SYN3: variants seen among roughly 807,000 people sequenced by gnomAD.
SYN3 encodes the protein synapsin III.
SYN3 carries 35 observed loss-of-function variants against 65.8 expected under a neutral mutation model. The ratio of observed to expected loss-of-function variants is 0.53; its 90% CI spans 0.41 to 0.70. The LOEUF (loss-of-function observed/expected upper bound fraction) is 0.70, where lower values mean the gene tolerates loss of function less well. SYN3 is among the 30% of genes least tolerant of loss of function. SYN3 has a pLI of 0.00. For synonymous variants in SYN3, 270 were observed against 292.9 expected, an observed-to-expected ratio of 0.92 and a Z score of 0.80; for missense variants, 680 against 749.0, an observed-to-expected ratio of 0.91 and a Z score of 1.08.
At chr22:32,618,229 G>A (rs1316173050) in intron 6 of SYN3, among the ~76,000 whole-genome samples, 1 of 152,046 alleles carries the variant, frequency 6.6e-6, no homozygotes, top group Non-Finnish European at 1.5e-5. Flanking sequence ...ATAAATGTTC[G>A]GGAGCCAAAC....
chr22:32,584,511 C>T (rs1601693594), intron 7 of SYN3, among the ~76,000 whole-genome samples: 1 of 151,974 alleles, frequency 6.6e-6, no homozygotes, highest in Admixed American at 6.6e-5. Flanking sequence ...ACAGACATGA[C>T]CAGGAAAACA....
chr22:32,859,549 C>A, intron 6 of SYN3: 1 of 821,618 alleles, frequency 1.2e-6, no homozygotes, highest in Non-Finnish European at 1.9e-6. Flanking sequence ...GGGAACTATC[C>A]TCCTGGCCCC....
chr22:32,713,704 G>C (rs146535789), intron 6 of SYN3, among the ~76,000 whole-genome samples: 1 of 151,912 alleles, frequency 6.6e-6, no homozygotes, highest in Non-Finnish European at 1.5e-5. Context: ...GGTGGTGGGC[G>C]CCTGTAGTCC....
chr22:32,869,330 TTCTCTCTCTCTCTC>T lies in SYN3; in HGVS notation c.462-219_462-206del, dbSNP rs59752570. Among the ~76,000 whole-genome samples the T allele has an allele frequency of 2.2e-3, 264 of 121,034 alleles. 1 individual carries two copies. The highest frequency in any genetic ancestry group is 3.6e-3 in the Non-Finnish European group (209 of 57,822). 79.4% of individuals were successfully genotyped at this position (121,034 alleles called of 152,430 possible). ...CAAAGGGCTGGAAACACTATATATATTCTCTCTCTCTCTCTCTCTCTCTCTCTCTCTCTCTCTCA... is the reference window on the plus strand; with the variant it reads ...CAAAGGGCTGGAAACACTATATATATTCTCTCTCTCTCTCTCTCTCTCTCA... On this transcript the variant is annotated intron_variant, in intron 4 of 13. Transcript: ENST00000358763.
intron 3 of SYN3, among the ~76,000 whole-genome samples, chr22:32,969,786 A>G (rs184680945): frequency 8.3e-4 from 126 of 152,310 alleles, no homozygotes; most frequent in Non-Finnish European, 4.0e-4. Context: ...TCACTCACGC[A>G]TTCACTCAAC....
At chr22:32,911,152 T>A (rs976211070) in intron 4 of SYN3, among the ~76,000 whole-genome samples, 9 of 152,216 alleles carry the variant, frequency 5.9e-5, no homozygotes, top group Non-Finnish European at 1.3e-4. Context: ...GGAGCTCTGG[T>A]GTCAGCAGTC....
intron 6 of SYN3, among the ~76,000 whole-genome samples, chr22:32,669,011 TA>T (rs1180074465): frequency 6.6e-6 from 1 of 152,216 alleles, no homozygotes; most frequent in Non-Finnish European, 1.5e-5. Flanking sequence ...AAGCTCTTAC[TA>T]TTATGTGCCT....
intron 6 of SYN3, among the ~76,000 whole-genome samples, chr22:32,797,428 G>A: frequency 6.6e-6 from 1 of 152,162 alleles, no homozygotes. Flanking sequence ...GGGGATACAT[G>A]GGAGGGGAAT....
At chr22:32,840,370 C>T (rs977412348) in intron 6 of SYN3, among the ~76,000 whole-genome samples, 2 of 152,042 alleles carry the variant, frequency 1.3e-5, no homozygotes, top group African/African-American at 2.4e-5. Context: ...TTGACATCAA[C>T]GAAAAGGGCC....
chr22:32,798,685 C>CCT (rs2046487160), intron 6 of SYN3, among the ~76,000 whole-genome samples: 1 of 92,500 alleles, frequency 1.1e-5, no homozygotes, highest in African/African-American at 4.6e-5. Context: ...CATCTTCATT[C>CCT]TTTTTTTTTT....
intron 4 of SYN3, among the ~76,000 whole-genome samples, chr22:32,874,021 C>A (rs915265077): frequency 9.2e-5 from 14 of 152,090 alleles, no homozygotes; most frequent in African/African-American, 3.1e-4. Flanking sequence ...GTAATCCCAG[C>A]TACTTGGAAG....
intron 6 of SYN3, among the ~76,000 whole-genome samples, chr22:32,737,561 A>C (rs5998602): frequency 0.48 from 72,018 of 151,506 alleles, 17,887 homozygotes; most frequent in African/African-American, 0.64. Context: ...TGAGAACATG[A>C]GGTGCTTGGT....
At chr22:32,525,932 C>T (rs1163065093) in intron 12 of SYN3, among the ~76,000 whole-genome samples, 4 of 152,080 alleles carry the variant, frequency 2.6e-5, no homozygotes, top group East Asian at 1.9e-4. Flanking sequence ...TTCACTGTTG[C>T]CTTATTTTTA....
At chr22:33,000,734 G>A (rs555223617) in intron 2 of SYN3, among the ~76,000 whole-genome samples, 3 of 152,310 alleles carry the variant, frequency 2.0e-5, no homozygotes, top group African/African-American at 4.8e-5. Flanking sequence ...GGGAAAGAAG[G>A]GGGCCCTGTG....
intron 6 of SYN3, among the ~76,000 whole-genome samples, chr22:32,723,674 A>G (rs780976506): frequency 6.6e-5 from 10 of 152,226 alleles, no homozygotes; most frequent in Non-Finnish European, 1.3e-4. Context: ...TCCCAGGAGG[A>G]GCCCCTCCAC....
intron 12 of SYN3, among the ~76,000 whole-genome samples, chr22:32,525,890 T>G (rs1182048387): frequency 2.0e-5 from 3 of 152,176 alleles, no homozygotes; most frequent in African/African-American, 2.4e-5. Context: ...AGAAATCTTG[T>G]GTGAAAGGGT....
chr22:32,569,440 TATCTATCTTCTC>T (rs1243785940), intron 7 of SYN3, among the ~76,000 whole-genome samples: 60 of 150,178 alleles, frequency 4.0e-4, no homozygotes, highest in African/African-American at 1.5e-3. Context: ...TCTATCTATC[TATCTATCTTCTC>T]TATCTATCTA....
chr22:32,753,793 A>T (rs2045211145), intron 6 of SYN3, among the ~76,000 whole-genome samples: 1 of 152,000 alleles, frequency 6.6e-6, no homozygotes, highest in Non-Finnish European at 1.5e-5. Context: ...ACAGAAGCCA[A>T]TGAGAGAGCC....
chr22:32,579,694 T>A (rs2058907736), intron 7 of SYN3, among the ~76,000 whole-genome samples: 1 of 152,056 alleles, frequency 6.6e-6, no homozygotes. Context: ...AGCTCAAAGG[T>A]GTCCTTGCCC....
Sources: allele counts gnomAD v4.1 joint callset (sites outside exome capture counted in the v4.1 genomes callset), GRCh38; gene constraint gnomAD v4.1.1; transcripts MANE v1.5; gene names NCBI Gene and HGNC (gene_info 2026-07-23, HGNC 2026-07-21).